Variants in EFNA5 observed in about 807,000 individuals in gnomAD.
EFNA5 encodes ephrin-A5.
Under a neutral mutation model 22.9 loss-of-function variants are expected in EFNA5, and 5 were observed. The ratio of observed to expected loss-of-function variants is 0.22; its 90% CI spans 0.11 to 0.46. The LOEUF is 0.46. Ranked by LOEUF, EFNA5 falls within the 20% of genes least tolerant of loss-of-function variation. The pLI is 0.99. For synonymous variants in EFNA5, 113 were observed against 112.2 expected (o/e 1.01, Z -0.04); for missense variants, 237 against 293.3 (o/e 0.81, Z 1.40).
intron 1 of EFNA5, among the ~76,000 whole-genome samples, chr5:107,558,814 A>T (rs73198638): frequency 0.031 from 4,655 of 152,332 alleles, 236 homozygotes; most frequent in African/African-American, 0.1. Context: ...ATGTTTAAAC[A>T]TATAGCTTTG....
At chr5:107,669,389 C>G (rs1487028451) in intron 1 of EFNA5, among the ~76,000 whole-genome samples, 1 of 152,052 alleles carries the variant, frequency 6.6e-6, no homozygotes, top group African/African-American at 2.4e-5. Context: ...CCGAGACCGG[C>G]ACACAGCTGG....
At chr5:107,529,464 C>G (rs1197727565) in intron 1 of EFNA5, among the ~76,000 whole-genome samples, 2 of 152,156 alleles carry the variant, frequency 1.3e-5, no homozygotes, top group Non-Finnish European at 2.9e-5. Context: ...CTCAGAGGAT[C>G]TGGCTTTCCC....
At position 107,584,319 on chromosome 5, in the gene EFNA5, C is replaced by T. The variant is rs144487166; in HGVS notation, c.125+86170G>A. On this transcript the variant is annotated intron_variant, in intron 1 of 4. Coordinates refer to ENST00000333274, the MANE Select transcript of EFNA5 (RefSeq NM_001962.3). ...TATTGGCCATATTTGCCTAAACCAA[C>T]GGCCTCTAAACGCCAAGGAGGCAAA... 2.3e-3 allele frequency among the ~76,000 whole-genome samples: 354 copies of T among 152,276 alleles called. 2 individuals carry two copies. Among genetic ancestry groups the T allele is most frequent in the African/African-American group, 7.5e-3 (310 of 41,566 alleles).
intron 1 of EFNA5, among the ~76,000 whole-genome samples, chr5:107,466,876 T>TA (rs1561398899): frequency 6.6e-6 from 1 of 152,154 alleles, no homozygotes; most frequent in Non-Finnish European, 1.5e-5. Context: ...GGCGCTATAC[T>TA]AGGCTAAGAG....
intron 2 of EFNA5, among the ~76,000 whole-genome samples, chr5:107,409,391 AG>A (rs1469579443): frequency 9.9e-5 from 15 of 152,216 alleles, no homozygotes; most frequent in African/African-American, 3.6e-4. Context: ...GGGATGCAGC[AG>A]GAACAATGCT....
chr5:107,670,350 C>G, intron 1 of EFNA5, 139 bp downstream of exon 1: 1 of 1,186,666 alleles, frequency 8.4e-7, no homozygotes, highest in South Asian at 1.9e-5. Flanking sequence ...GCCGACGCCT[C>G]AAGCCATCAG....
intron 1 of EFNA5, among the ~76,000 whole-genome samples, chr5:107,460,945 A>G (rs1476112643): frequency 2.6e-5 from 4 of 152,180 alleles, no homozygotes; most frequent in Non-Finnish European, 4.4e-5. Context: ...TATTCATTCC[A>G]CATCTATCAT....
chr5:107,601,688 A>G (rs1328126682), intron 1 of EFNA5, among the ~76,000 whole-genome samples: 1 of 152,242 alleles, frequency 6.6e-6, no homozygotes, highest in Non-Finnish European at 1.5e-5. Flanking sequence ...CTGAACACTT[A>G]TTAGTTGCTA....
intron 1 of EFNA5, among the ~76,000 whole-genome samples, chr5:107,668,258 G>A (rs1751115926): frequency 1.3e-5 from 2 of 152,244 alleles, no homozygotes; most frequent in South Asian, 4.1e-4. Flanking sequence ...AATACTCTTG[G>A]TATTTTAAAA....
chr5:107,437,676 G>A (rs74697901), intron 1 of EFNA5, among the ~76,000 whole-genome samples: 2,458 of 152,148 alleles, frequency 0.016, 55 homozygotes, highest in African/African-American at 0.057. Flanking sequence ...ACATAGTAGC[G>A]ACTACATAGA....
chr5:107,422,300 A>G (rs1748689186), intron 2 of EFNA5, among the ~76,000 whole-genome samples: 1 of 152,220 alleles, frequency 6.6e-6, no homozygotes, highest in Admixed American at 6.5e-5. Context: ...TACTTATTAA[A>G]CATCTGCATG....
intron 1 of EFNA5, among the ~76,000 whole-genome samples, chr5:107,650,858 T>A (rs1750714831): frequency 6.6e-6 from 1 of 152,206 alleles, no homozygotes. Context: ...TTTGGTTGTA[T>A]ATACAGATTG....
intron 1 of EFNA5, among the ~76,000 whole-genome samples, chr5:107,495,882 G>A (rs1393080609): frequency 6.6e-6 from 1 of 152,102 alleles, no homozygotes; most frequent in African/African-American, 2.4e-5. Context: ...AGCCTATCAG[G>A]AAGAGGTAGT....
chr5:107,565,030 A>C (rs551854303), intron 1 of EFNA5, among the ~76,000 whole-genome samples: 1 of 152,188 alleles, frequency 6.6e-6, no homozygotes, highest in East Asian at 1.9e-4. Context: ...GAAGACCAAT[A>C]ATATGATATC....
At chr5:107,427,118 T>C (rs564199141) in intron 2 of EFNA5, 99 bp downstream of exon 2, 1 of 1,301,070 alleles carries the variant, frequency 7.7e-7, no homozygotes, top group East Asian at 2.4e-5. Flanking sequence ...ATATCTGTAA[T>C]GCAGAGTCCA....
chr5:107,531,706 G>A (rs1342983788), intron 1 of EFNA5, among the ~76,000 whole-genome samples: 1 of 152,162 alleles, frequency 6.6e-6, no homozygotes. Context: ...ATCAGCGTTT[G>A]GGTGTGCAGT....
intron 1 of EFNA5, among the ~76,000 whole-genome samples, chr5:107,548,627 C>A (rs1040711260): frequency 6.6e-6 from 1 of 152,200 alleles, no homozygotes; most frequent in African/African-American, 2.4e-5. Context: ...AAATGTACAG[C>A]TGACGTGAGC....
intron 1 of EFNA5, among the ~76,000 whole-genome samples, chr5:107,440,849 A>T (rs1429868592): frequency 6.6e-6 from 1 of 152,172 alleles, no homozygotes; most frequent in Non-Finnish European, 1.5e-5. Flanking sequence ...TCTGTATGCT[A>T]TGTGATGGTA....
At chr5:107,574,517 G>A (rs914046240) in intron 1 of EFNA5, among the ~76,000 whole-genome samples, 4 of 152,232 alleles carry the variant, frequency 2.6e-5, no homozygotes, top group Admixed American at 2.6e-4. Context: ...GATGGTAGCA[G>A]ATTAGTAGGC....
Sources: allele counts gnomAD v4.1 joint callset (sites outside exome capture counted in the v4.1 genomes callset), GRCh38; gene constraint gnomAD v4.1.1; transcripts MANE v1.5; gene names NCBI Gene and HGNC (gene_info 2026-07-23, HGNC 2026-07-21).